The following GORASP2 variants were observed in gnomAD, a reference collection of about 807,000 sequenced individuals.
GORASP2 encodes Golgi reassembly-stacking protein 2.
GORASP2 carries 22 observed loss-of-function variants against 45.7 expected under a neutral mutation model. The ratio of observed to expected loss-of-function variants is 0.48; its 90% CI spans 0.34 to 0.69. GORASP2 has a LOEUF of 0.69. Among genes scored for constraint, GORASP2 ranks in the 30% least tolerant of loss-of-function variants. GORASP2 has a pLI of 0.01. For synonymous variants in GORASP2, 221 were observed against 215.6 expected (o/e 1.02, Z -0.22); for missense variants, 491 against 562.7 (o/e 0.87, Z 1.29).
intron 1 of GORASP2, among the ~76,000 whole-genome samples, chr2:170,942,784 C>G (rs574717941): frequency 1.3e-5 from 2 of 152,214 alleles, no homozygotes; most frequent in African/African-American, 2.4e-5. Flanking sequence ...ATCTGCCAAA[C>G]TGTTTTCCAC....
In GORASP2 at chr2:170,932,900, AAC is replaced by A. The variant is rs534897402; in HGVS notation, c.63+3501_63+3502del. On this transcript the variant is annotated intron_variant, in intron 1 of 9. Transcript: ENST00000234160. ...AAATTGTTAAACAAATCAGGGCCTA[AAC>A]ACAGATAGAATGCTACACATTCACT... Among the ~76,000 whole-genome samples, 611 of 152,362 alleles carry A rather than the reference AAC, an allele frequency of 4.0e-3. 2 individuals are homozygous for A. Among genetic ancestry groups the A allele is most frequent in the African/African-American group, 0.014 (582 of 41,592 alleles).
At chr2:170,946,462 G>T (rs1023880983) in intron 1 of GORASP2, among the ~76,000 whole-genome samples, 1 of 151,990 alleles carries the variant, frequency 6.6e-6, no homozygotes, top group African/African-American at 2.4e-5. Context: ...TTGAAAATTT[G>T]ACAGTCCATT....
chr2:170,963,461 TCCTCCTCCTCCC>T lies in GORASP2; in HGVS notation c.1018+527_1018+538del, dbSNP rs1211361533. 4.0e-5 allele frequency among the ~76,000 whole-genome samples: 5 copies of T among 125,376 alleles called. No homozygotes were observed. The East Asian group carries it at 1.3e-3, about 32-fold the overall frequency. The allele number at this position is 125,376 out of a possible 152,430, so 82.3% of individuals were successfully genotyped here. A position where few individuals can be genotyped will look rare whatever the true frequency, so the allele number is the denominator to read the frequency against. On this transcript the variant is annotated intron_variant, in intron 9 of 9. Transcript: ENST00000234160. ...CTGCTGCTGCTGCTGCTCCTCCTCC[TCCTCCTCCTCCC>T]CCTCCTCCTCCTCCCGCCCCCCTCC...
rs998853049 is a variant in GORASP2, at chr2:170,966,595, T to C, written c.*465T>C. 2 of 189,742 alleles carry C rather than the reference T, an allele frequency of 1.1e-5. No homozygotes were observed. Among genetic ancestry groups the C allele is most frequent in the Admixed American group, 1.1e-4 (2 of 18,636 alleles). The allele number at this position is 189,742 out of a possible 1,614,324, so 11.8% of individuals were successfully genotyped here. ...GTAAACGGTAAAGAGATTTTTACTTTTGGTCTCCGTGAGTCGCATCTCTAC... is the reference window on the plus strand; with the variant it reads ...GTAAACGGTAAAGAGATTTTTACTTCTGGTCTCCGTGAGTCGCATCTCTAC... On this transcript the variant is annotated 3_prime_UTR_variant, in exon 10 of 10. Coordinates refer to ENST00000234160, the MANE Select transcript of GORASP2 (RefSeq NM_015530.5).
At chr2:170,944,768 G>C (rs1704147884) in intron 1 of GORASP2, among the ~76,000 whole-genome samples, 1 of 152,182 alleles carries the variant, frequency 6.6e-6, no homozygotes, top group Admixed American at 6.5e-5. Flanking sequence ...CAGTGGCAAA[G>C]TCTGAAATTG....
At chr2:170,948,483 T>C (rs540586986) in intron 2 of GORASP2, 53 bp downstream of exon 2, 23 of 1,016,962 alleles carry the variant, frequency 2.3e-5, no homozygotes, top group Admixed American at 1.5e-4. Flanking sequence ...CTCTCAAAAA[T>C]GGAATTTTTC....
intron 1 of GORASP2, among the ~76,000 whole-genome samples, chr2:170,932,270 T>C (rs1703842560): frequency 6.6e-6 from 1 of 152,216 alleles, no homozygotes; most frequent in Non-Finnish European, 1.5e-5. Flanking sequence ...TCTCTCTTTC[T>C]TTTTGTTACC....
chr2:170,949,292 G>A (rs1704243920), intron 2 of GORASP2, among the ~76,000 whole-genome samples: 1 of 152,164 alleles, frequency 6.6e-6, no homozygotes, highest in African/African-American at 2.4e-5. Flanking sequence ...TCTAAATAAT[G>A]TTGGGTTGCA....
At chr2:170,937,894 C>A (rs1244828375) in intron 1 of GORASP2, among the ~76,000 whole-genome samples, 1 of 152,164 alleles carries the variant, frequency 6.6e-6, no homozygotes, top group Non-Finnish European at 1.5e-5. Context: ...AGTCAACCAC[C>A]AGAGACCACC....
rs572333521 is a variant in GORASP2 at position 170,936,658 on chromosome 2, A to G, written c.63+7255A>G. On this transcript the variant is annotated intron_variant, in intron 1 of 9. Coordinates refer to ENST00000234160, the MANE Select transcript of GORASP2 (RefSeq NM_015530.5). Reference sequence around the variant, plus strand: ...GAGAAGGCTCAAGCACATTGTCAGAAATAAGGAAGCTTAAGCCGGGCATAA... The same window carrying G: ...GAGAAGGCTCAAGCACATTGTCAGAGATAAGGAAGCTTAAGCCGGGCATAA... The G allele has an allele frequency of 1.8e-5, 24 of 1,299,352 alleles. No individual in the cohort carries two copies. The African/African-American group carries it at 3.3e-4, about 18-fold the overall frequency. The allele number at this position is 1,299,352 out of a possible 1,614,324, so 80.5% of individuals were successfully genotyped here.
chr2:170,951,523 T>C, intron 5 of GORASP2, 65 bp downstream of exon 5: 1 of 1,214,214 alleles, frequency 8.2e-7, no homozygotes, highest in Non-Finnish European at 1.2e-6. Context: ...GTTGCAGACA[T>C]TGATTGTTTT....
intron 5 of GORASP2, 104 bp downstream of exon 5, chr2:170,951,562 T>G: frequency 1.1e-6 from 1 of 936,922 alleles, no homozygotes; most frequent in Non-Finnish European, 1.6e-6. Context: ...TGGTTTATTT[T>G]AAGACTCCTC....
intron 5 of GORASP2, among the ~76,000 whole-genome samples, chr2:170,953,421 C>G (rs1363623080): frequency 6.6e-6 from 1 of 151,994 alleles, no homozygotes; most frequent in African/African-American, 2.4e-5. Context: ...GCCTGCTCAC[C>G]CAGCTTTTGG....
At chr2:170,944,902 G>T (rs564133505) in intron 1 of GORASP2, among the ~76,000 whole-genome samples, 1 of 152,262 alleles carries the variant, frequency 6.6e-6, no homozygotes, top group East Asian at 1.9e-4. Context: ...CTGAGGAGGC[G>T]CCTGAGGATC....
intron 7 of GORASP2, among the ~76,000 whole-genome samples, 175 bp from the exon 8 acceptor site, chr2:170,961,488 C>G (rs1294315352): frequency 6.6e-6 from 1 of 152,168 alleles, no homozygotes; most frequent in East Asian, 1.9e-4. Context: ...GAGCTGTGGG[C>G]AGAGTCAGTG....
At chr2:170,941,905 G>A (rs1704084728) in intron 1 of GORASP2, among the ~76,000 whole-genome samples, 1 of 152,088 alleles carries the variant, frequency 6.6e-6, no homozygotes, top group South Asian at 2.1e-4. Context: ...CAAAAGGTGT[G>A]CATATTTTCA....
At chr2:170,937,773 G>C (rs1703989309) in intron 1 of GORASP2, among the ~76,000 whole-genome samples, 1 of 152,154 alleles carries the variant, frequency 6.6e-6, no homozygotes, top group South Asian at 2.1e-4. Flanking sequence ...GAAGCCAGGA[G>C]TTTGAGACCA....
intron 1 of GORASP2, among the ~76,000 whole-genome samples, chr2:170,946,767 A>AC (rs1253411693): frequency 4.5e-5 from 3 of 67,228 alleles, no homozygotes; most frequent in Non-Finnish European, 1.1e-4. Context: ...CCATGCCTCT[A>AC]CAAAAAAAAA....
chr2:170,942,544 C>T (rs1157729546), intron 1 of GORASP2, among the ~76,000 whole-genome samples: 5 of 152,148 alleles, frequency 3.3e-5, no homozygotes, highest in African/African-American at 7.2e-5. Context: ...CATGTCATAG[C>T]GTGCATTGGT....
Sources: allele counts gnomAD v4.1 joint callset (sites outside exome capture counted in the v4.1 genomes callset), GRCh38; gene constraint gnomAD v4.1.1; transcripts MANE v1.5; gene names NCBI Gene and HGNC (gene_info 2026-07-23, HGNC 2026-07-21).